The following CDC16 variants were observed in gnomAD, a reference collection of about 807,000 sequenced individuals.
CDC16 encodes the protein cell division cycle 16.
Under a neutral mutation model 87.0 loss-of-function variants are expected in CDC16, and 34 were observed. The ratio of observed to expected loss-of-function variants is 0.39; its 90% CI spans 0.30 to 0.52. The LOEUF is 0.52. CDC16 is among the 20% of genes least tolerant of loss of function. The pLI, the probability that CDC16 is intolerant of heterozygous loss-of-function variation, is 0.74. For missense variants in CDC16, 653 were observed against 751.9 expected, an observed-to-expected ratio of 0.87 and a Z score of 1.54; for synonymous variants, 263 against 260.6, an observed-to-expected ratio of 1.01 and a Z score of -0.09.
At chr13:114,240,034 T>G (rs1300776040) in intron 5 of CDC16, among the ~76,000 whole-genome samples, 1 of 152,138 alleles carries the variant, frequency 6.6e-6, no homozygotes, top group Non-Finnish European at 1.5e-5. Flanking sequence ...AAAAACTTAT[T>G]GAGGTATAAT....
intron 17 of CDC16, among the ~76,000 whole-genome samples, chr13:114,268,893 G>T (rs1255241450): frequency 6.6e-6 from 1 of 152,212 alleles, no homozygotes; most frequent in African/African-American, 2.4e-5. Flanking sequence ...ACAGGATGTG[G>T]TGTTGGTGTG....
intron 8 of CDC16, 53 bp downstream of exon 8, chr13:114,244,042 C>T (rs181861703): frequency 7.7e-7 from 1 of 1,300,566 alleles, no homozygotes; most frequent in Admixed American, 1.9e-5. Context: ...CTCCATCTTA[C>T]CTAGGTGATT....
At chr13:114,270,625 T>C (rs1414504383) in intron 17 of CDC16, among the ~76,000 whole-genome samples, 3 of 152,360 alleles carry the variant, frequency 2.0e-5, no homozygotes, top group Non-Finnish European at 4.4e-5. Context: ...GCGGTAGTCA[T>C]CTGGGATGCA....
In CDC16 at chr13:114,272,651, A is replaced by G; in HGVS notation, c.*208A>G. ...CTGAACCTACAAAATAGTTATACAT[A>G]GTGGAATAAAGAAGGTAAACCATCT... On this transcript the variant is annotated 3_prime_UTR_variant, in exon 18 of 18. Transcript: ENST00000356221. 1 of 445,334 alleles carries G rather than the reference A, an allele frequency of 2.2e-6. No individual in the cohort carries two copies. The highest frequency in any genetic ancestry group is 3.4e-5 in the East Asian group (1 of 29,206). 27.6% of individuals were successfully genotyped at this position (445,334 alleles called of 1,614,324 possible).
chr13:114,246,963 C>A lies in CDC16; in HGVS notation c.930C>A (p.Leu310=). Residue 310 remains leucine (L), a synonymous_variant, in exon 11 of 18, where the codon CTC becomes CTA. Coordinates refer to ENST00000356221, the MANE Select transcript of CDC16 (RefSeq NM_001078645.3). ...GGTTTGCAGTGGGATGTTACTATCTCATGGTCGGTCATAAAAATGAACATG... is the reference window on the plus strand; with the variant it reads ...GGTTTGCAGTGGGATGTTACTATCTAATGGTCGGTCATAAAAATGAACATG... ...VSWFAVGCYY[L]MVGHKNEHAR... is the part of the protein sequence containing the mutation. 1 of 1,613,138 alleles carries A rather than the reference C, an allele frequency of 6.2e-7. No homozygotes were observed. The highest frequency in any genetic ancestry group is 8.5e-7 in the Non-Finnish European group (1 of 1,179,250).
chr13:114,243,175 G>C lies in CDC16; in HGVS notation c.542-82G>C, dbSNP rs377662572. On this transcript the variant is annotated intron_variant, in intron 6 of 17. Transcript: ENST00000356221. Reference sequence around the variant, plus strand: ...GTTTGATTTACTTAGACCAAGAACTGTAGAATCATATTTTTAGTTGTTGGC... The same window carrying C: ...GTTTGATTTACTTAGACCAAGAACTCTAGAATCATATTTTTAGTTGTTGGC... 6.8e-6 allele frequency: 5 copies of C among 738,748 alleles called. No individual in the cohort carries two copies. In the East Asian group the frequency reaches 1.2e-4, roughly 18 times the overall value. The allele number at this position is 738,748 out of a possible 1,614,324, so 45.8% of individuals were successfully genotyped here.
intron 17 of CDC16, among the ~76,000 whole-genome samples, chr13:114,266,936 T>C (rs2083262923): frequency 6.6e-6 from 1 of 152,028 alleles, no homozygotes; most frequent in Admixed American, 6.5e-5. Context: ...GACCTTGTGA[T>C]CCGCCCTCCT....
At chr13:114,235,258 A>C in intron 1 of CDC16, 126 bp downstream of exon 1, 1 of 596,112 alleles carries the variant, frequency 1.7e-6, no homozygotes, top group Non-Finnish European at 2.5e-6. Context: ...CTGGGCCTTC[A>C]TCTGGGGCCA....
At chr13:114,238,424 T>C (rs909177876) in intron 3 of CDC16, among the ~76,000 whole-genome samples, 1 of 148,970 alleles carries the variant, frequency 6.7e-6, no homozygotes, top group African/African-American at 2.5e-5. Context: ...CCAGCAGTTA[T>C]TCACACTCAG....
chr13:114,266,522 C>T (rs1012357207), intron 17 of CDC16, among the ~76,000 whole-genome samples: 1 of 152,222 alleles, frequency 6.6e-6, no homozygotes, highest in Non-Finnish European at 1.5e-5. Context: ...TGTGCCTGCT[C>T]TATGCCCAGT....
chr13:114,248,003 A>G (rs2081965107), intron 11 of CDC16, among the ~76,000 whole-genome samples: 1 of 152,212 alleles, frequency 6.6e-6, no homozygotes, highest in Non-Finnish European at 1.5e-5. Flanking sequence ...GATTTCTTTT[A>G]TTAATAGTTG....
At chr13:114,246,765 C>T (rs2081894887) in intron 10 of CDC16, among the ~76,000 whole-genome samples, 166 bp from the exon 11 acceptor site, 1 of 152,126 alleles carries the variant, frequency 6.6e-6, no homozygotes, top group Admixed American at 6.5e-5. Context: ...GAGTGTCTGC[C>T]CTCTTCTCTT....
intron 12 of CDC16, among the ~76,000 whole-genome samples, chr13:114,251,792 T>C (rs2139006898): frequency 6.6e-6 from 1 of 152,356 alleles, no homozygotes; most frequent in South Asian, 2.1e-4. Flanking sequence ...TCCTGGTTTG[T>C]AGATAACTGC....
At chr13:114,261,203 G>T (rs1291748435) in intron 14 of CDC16, among the ~76,000 whole-genome samples, 1 of 152,180 alleles carries the variant, frequency 6.6e-6, no homozygotes, top group Non-Finnish European at 1.5e-5. Flanking sequence ...AGAATGTCAA[G>T]GAGTGGGTCA....
chr13:114,240,012 A>T (rs1456628601), intron 5 of CDC16, among the ~76,000 whole-genome samples: 7 of 62,666 alleles, frequency 1.1e-4, no homozygotes, highest in South Asian at 4.5e-4. Flanking sequence ...ATCTGGATTT[A>T]AAAAAAAAAA....
chr13:114,253,535 C>T (rs1236274650), intron 12 of CDC16, among the ~76,000 whole-genome samples: 1 of 151,772 alleles, frequency 6.6e-6, no homozygotes, highest in Non-Finnish European at 1.5e-5. Flanking sequence ...ACTAAAAATA[C>T]AAAAATTAGC....
Position 114,234,972 on chromosome 13 carries a change from TG to T in CDC16, c.-109del. On this transcript the variant is annotated 5_prime_UTR_variant, in exon 1 of 18. Transcript: ENST00000356221. ...CTTCGAGTCCGCGGCCTTCGAGTCC[TG>T]GGGCGGCGGCGGCGGCTGCAGGCAC... 4.2e-6 allele frequency: 3 copies of T among 708,840 alleles called. No homozygotes were observed. The highest frequency in any genetic ancestry group is 5.6e-6 in the Non-Finnish European group (3 of 535,124). 43.9% of individuals were successfully genotyped at this position (708,840 alleles called of 1,614,324 possible).
chr13:114,237,372 C>T (rs1007228838), intron 3 of CDC16, among the ~76,000 whole-genome samples: 9 of 152,112 alleles, frequency 5.9e-5, no homozygotes, highest in Non-Finnish European at 1.0e-4. Flanking sequence ...TCACTATAAC[C>T]TCAGACTCCT....
At chr13:114,236,935 TA>T (rs765366852) in intron 3 of CDC16, 39 bp downstream of exon 3, 94 of 1,356,742 alleles carry the variant, frequency 6.9e-5, no homozygotes, top group Non-Finnish European at 7.5e-5. Flanking sequence ...TTCAGAGCTT[TA>T]AAAAAAATGT....
Sources: gnomAD v4.1 joint callset for allele counts (sites outside exome capture counted in the v4.1 genomes callset) on GRCh38, gnomAD v4.1.1 for gene constraint, MANE v1.5 for transcripts, NCBI Gene and HGNC (gene_info 2026-07-23, HGNC 2026-07-21) for gene names.